PRRG2: variants seen among roughly 807,000 people sequenced by gnomAD.
The protein encoded by PRRG2 is transmembrane gamma-carboxyglutamic acid protein 2.
A neutral mutation model predicts 27.1 loss-of-function variants in PRRG2; 23 were observed. That is an observed-to-expected ratio of 0.85 (90% CI 0.61 to 1.20). The LOEUF is 1.20. PRRG2 is among the 50% of genes most tolerant of loss of function. The pLI is 0.00. For synonymous variants in PRRG2, 104 were observed against 103.4 expected (o/e 1.01, Z -0.03); for missense variants, 276 against 254.8 (o/e 1.08, Z -0.57).
In PRRG2 at chr19:49,590,394, C is replaced by A; in HGVS notation, c.*5C>A. The A allele has an allele frequency of 1.2e-6, 2 of 1,614,106 alleles. No homozygotes were observed. The highest frequency in any genetic ancestry group is 2.2e-5 in the South Asian group (2 of 91,086). ...AGCCTCAGGAGGCCTCACTGAAGAG[C>A]TGCTTTCGAGACCCGGCTCTCCGAA... On this transcript the variant is annotated 3_prime_UTR_variant, in exon 7 of 7. Transcript: ENST00000246794.
Position 49,590,424 on chromosome 19 carries a change from G to A in PRRG2, c.*35G>A, listed in dbSNP as rs1207143948. ...TTCGAGACCCGGCTCTCCGAACCGT[G>A]CCCCTGATTCATACCGGATTCCGGA... On this transcript the variant is annotated 3_prime_UTR_variant, in exon 7 of 7. Transcript: ENST00000246794. The A allele has an allele frequency of 1.9e-6, 3 of 1,613,794 alleles. No individual in the cohort carries two copies. The highest frequency in any genetic ancestry group is 2.5e-6 in the Non-Finnish European group (3 of 1,179,850).
In PRRG2 at chr19:49,583,635, C is replaced by G; in HGVS notation, c.179C>G (p.Pro60Arg). 1.2e-6 allele frequency: 2 copies of G among 1,614,222 alleles called. No individual in the cohort carries two copies. The highest frequency in any genetic ancestry group is 1.7e-6 in the Non-Finnish European group (2 of 1,180,046). The change falls in exon 3 of 7, where the codon CCA (proline) becomes CGA (arginine). Residue 60 changes from proline (P) to arginine (R), a missense_variant. Pro to Arg is a moderately radical substitution (Grantham distance 103). Coordinates refer to ENST00000246794, the MANE Select transcript of PRRG2 (RefSeq NM_000951.3). ...CACTGGGACCTGGAGCTGCTCACACCAGGGAACCTGGAACGGGAGTGTCTG... is the reference window on the plus strand; with the variant it reads ...CACTGGGACCTGGAGCTGCTCACACGAGGGAACCTGGAACGGGAGTGTCTG... ...ANHWDLELLT[P>R]GNLERECLEE...
intron 4 of PRRG2, 77 bp downstream of exon 4, chr19:49,584,029 C>T (rs1355966255): frequency 1.4e-6 from 2 of 1,423,182 alleles, no homozygotes; most frequent in African/African-American, 2.9e-5. Flanking sequence ...CCAACGTCCT[C>T]CACCCCAAAT....
At chr19:49,588,767 G>C (rs983549829) in intron 5 of PRRG2, 135 bp downstream of exon 5, 18 of 1,154,934 alleles carry the variant, frequency 1.6e-5, no homozygotes, top group Non-Finnish European at 2.0e-5. Context: ...CATTTGGAGA[G>C]TGAGTCTGTG....
In PRRG2 at chr19:49,589,980, C is replaced by T. The variant is rs769314969; in HGVS notation, c.518C>T (p.Pro173Leu). ...TPLPPPPPPP[P>L]GLPTYEQALA... is the part of the protein sequence containing the mutation. ...CTGCCTCCACCCCCACCCCCACCCCCAGGCCTCCCCACCTATGAGCAGGCG... is the reference window on the plus strand; with the variant it reads ...CTGCCTCCACCCCCACCCCCACCCCTAGGCCTCCCCACCTATGAGCAGGCG... The change falls in exon 6 of 7, where the codon CCA (proline) becomes CTA (leucine). Residue 173 changes from proline (P) to leucine (L), a missense_variant. Physicochemically the swap from Pro to Leu is moderately conservative, Grantham distance 98. Transcript: ENST00000246794. 8.5e-6 allele frequency: 13 copies of T among 1,537,488 alleles called. 1 individual carries two copies. In the East Asian group the frequency reaches 3.1e-4, roughly 37 times the overall value.
At chr19:49,590,136 T>C in intron 6 of PRRG2, 84 bp downstream of exon 6, 2 of 1,415,312 alleles carry the variant, frequency 1.4e-6, no homozygotes, top group Non-Finnish European at 1.9e-6. Flanking sequence ...GGGCGGGACT[T>C]GGAATTTGGG....
Position 49,583,897 on chromosome 19 carries a change from C to G in PRRG2, c.262-16C>G, listed in dbSNP as rs1179983529. ...TCCTGCTTTTTCCCCTTCTTTTCCA[C>G]TCCTTCCCCCTCAAGGAGCGCTTTT... On this transcript the variant is annotated splice_polypyrimidine_tract_variant and intron_variant, in intron 3 of 6. Transcript: ENST00000246794. 1 of 1,613,710 alleles carries G rather than the reference C, an allele frequency of 6.2e-7. No individual in the cohort carries two copies. The highest frequency in any genetic ancestry group is 8.5e-7 in the Non-Finnish European group (1 of 1,179,624).
At chr19:49,582,431 C>T (rs916335335) in intron 1 of PRRG2, among the ~76,000 whole-genome samples, 4 of 151,702 alleles carry the variant, frequency 2.6e-5, no homozygotes, top group South Asian at 2.1e-4. Context: ...CCCACAACCA[C>T]GCCTGGCTAA....
rs779158755 is a variant in PRRG2, at chr19:49,588,573, G to A, written c.378G>A (p.Leu126=). ...GGILLIVLAG[L]GAFWYLRWRQ... is the part of the protein sequence containing the mutation. ...TCCTGCTCATTGTCCTGGCCGGCCT[G>A]GGAGCCTTTTGGTATCTGCGCTGGC... The change falls in exon 5 of 7, where the codon CTG becomes CTA. Residue 126 remains leucine, a synonymous_variant. Transcript: ENST00000246794. The A allele has an allele frequency of 5.1e-6, 8 of 1,559,066 alleles. No individual in the cohort carries two copies. In the South Asian group the frequency reaches 7.1e-5, roughly 14 times the overall value.
At chr19:49,583,488 G>A (rs1189742571) in intron 2 of PRRG2, 54 bp from the exon 3 acceptor site, 4 of 1,591,844 alleles carry the variant, frequency 2.5e-6, no homozygotes, top group East Asian at 2.2e-5. Flanking sequence ...ATCCCCCTAT[G>A]ACTCCAGCCC....
At chr19:49,583,482 C>T in intron 2 of PRRG2, 60 bp from the exon 3 acceptor site, 2 of 1,584,646 alleles carry the variant, frequency 1.3e-6, no homozygotes, top group South Asian at 1.1e-5. Context: ...CTTTCCATCC[C>T]CCTATGACTC....
At position 49,590,569 on chromosome 19, in the gene PRRG2, T is replaced by C; in HGVS notation, c.*180T>C. Reference sequence around the variant, plus strand: ...TTTCCGCCGCGTATGGATATACACATGTTTTCGGCAACGTGTTCCCGTGTC... The same window carrying C: ...TTTCCGCCGCGTATGGATATACACACGTTTTCGGCAACGTGTTCCCGTGTC... On this transcript the variant is annotated 3_prime_UTR_variant, in exon 7 of 7. Transcript: ENST00000246794. The C allele has an allele frequency of 6.2e-6, 5 of 811,362 alleles. No individual in the cohort carries two copies. The highest frequency in any genetic ancestry group is 9.8e-6 in the Non-Finnish European group (5 of 507,898). 50.3% of individuals were successfully genotyped at this position (811,362 alleles called of 1,614,324 possible).
intron 5 of PRRG2, among the ~76,000 whole-genome samples, chr19:49,589,516 C>T (rs1297965055): frequency 6.6e-6 from 1 of 151,254 alleles, no homozygotes; most frequent in African/African-American, 2.4e-5. Flanking sequence ...TCACTGCAGC[C>T]TCAATTTCCT....
At chr19:49,587,079 C>T (rs1179070507) in intron 4 of PRRG2, among the ~76,000 whole-genome samples, 1 of 152,004 alleles carries the variant, frequency 6.6e-6, no homozygotes, top group Non-Finnish European at 1.5e-5. Flanking sequence ...ATCGCCTGAA[C>T]CCTGGAGACC....
In PRRG2 at chr19:49,583,631, A is replaced by G; in HGVS notation, c.175A>G (p.Thr59Ala). The G allele has an allele frequency of 6.2e-7, 1 of 1,614,212 alleles. No homozygotes were observed. The highest frequency in any genetic ancestry group is 1.3e-5 in the African/African-American group (1 of 75,044). ...RANHWDLELL[T>A]PGNLERECLE... ...CAACCACTGGGACCTGGAGCTGCTCACACCAGGGAACCTGGAACGGGAGTG... is the reference window on the plus strand; with the variant it reads ...CAACCACTGGGACCTGGAGCTGCTCGCACCAGGGAACCTGGAACGGGAGTG... The change falls in exon 3 of 7, where the codon ACA (threonine) becomes GCA (alanine). Residue 59 changes from threonine (T) to alanine (A), a missense_variant. Coordinates refer to ENST00000246794, the MANE Select transcript of PRRG2 (RefSeq NM_000951.3).
At position 49,589,949 on chromosome 19, in the gene PRRG2, A is replaced by G. The variant is rs765714365; in HGVS notation, c.487A>G (p.Thr163Ala). The change falls in exon 6 of 7, where the codon ACG (threonine) becomes GCG (alanine). Residue 163 changes from threonine (T) to alanine (A), a missense_variant. Physicochemically the swap from Thr to Ala is moderately conservative, Grantham distance 58. Transcript: ENST00000246794. ...TCCTTTGAACCCTCTGGGCCCACCG[A>G]CGCCCCTGCCTCCACCCCCACCCCC... ...LSPLNPLGPP[T>A]PLPPPPPPPP... 6.2e-7 allele frequency: 1 copy of G among 1,606,730 alleles called. No individual in the cohort carries two copies. Among genetic ancestry groups the G allele is most frequent in the Non-Finnish European group, 8.5e-7 (1 of 1,179,024 alleles).
rs932175818 is a variant in PRRG2 at position 49,590,177 on chromosome 19, G to GGGGGC, written c.590+131_590+135dup. 72 of 1,387,834 alleles carry GGGGGC rather than the reference G, an allele frequency of 5.2e-5. No homozygotes were observed. The African/African-American group carries it at 8.0e-4, about 15-fold the overall frequency. The allele number at this position is 1,387,834 out of a possible 1,614,324, so 86.0% of individuals were successfully genotyped here. On this transcript the variant is annotated intron_variant, in intron 6 of 6. Transcript: ENST00000246794. ...TTACCTGGGGCGGGGCTTGGAGTGC[G>GGGGGC]GGGGCGGGGCCCCATGCAATGGTCT...
chr19:49,590,095 T>G (rs1599779778), intron 6 of PRRG2, 43 bp downstream of exon 6: 1 of 1,448,102 alleles, frequency 6.9e-7, no homozygotes, highest in Non-Finnish European at 9.1e-7. Context: ...CGCAGAGGGG[T>G]GGGCACGTTG....
At chr19:49,581,131 C>T (rs1167607064), upstream of PRRG2, among the ~76,000 whole-genome samples, 3 of 152,150 alleles carry the variant, frequency 2.0e-5, no homozygotes, top group Non-Finnish European at 4.4e-5. Context: ...GACGAACTCC[C>T]AGGGGAGAGC....
Sources: allele counts gnomAD v4.1 joint callset (sites outside exome capture counted in the v4.1 genomes callset), GRCh38; gene constraint gnomAD v4.1.1; transcripts MANE v1.5; gene names NCBI Gene and HGNC (gene_info 2026-07-23, HGNC 2026-07-21).